THSD1: variants seen among roughly 807,000 people sequenced by gnomAD.
The protein encoded by THSD1 is thrombospondin type 1 domain containing 1.
THSD1 carries 34 observed loss-of-function variants against 46.3 expected under a neutral mutation model. The observed-to-expected ratio is 0.74, with a 90% confidence interval of 0.56 to 0.98. The LOEUF (loss-of-function observed/expected upper bound fraction) is 0.98, where lower values mean the gene tolerates loss of function less well. THSD1 is among the 50% of genes least tolerant of loss of function. The pLI, the probability that THSD1 is intolerant of heterozygous loss-of-function variation, is 0.00. For missense variants in THSD1, 1,023 were observed against 1,058.3 expected (o/e 0.97, Z 0.46); for synonymous variants, 407 against 416.5 (o/e 0.98, Z 0.28).
chr13:52,378,821 CA>C, intron 4 of THSD1, 32 bp from the exon 5 acceptor site: 2 of 1,524,856 alleles, frequency 1.3e-6, no homozygotes, highest in Non-Finnish European at 1.7e-6. Flanking sequence ...AACAAACAAA[CA>C]AAAAACACAG....
chr13:52,388,245 G>GA (rs1255969291), intron 3 of THSD1, among the ~76,000 whole-genome samples: 1 of 151,300 alleles, frequency 6.6e-6, no homozygotes, highest in Non-Finnish European at 1.5e-5. Context: ...GACTTTTTCA[G>GA]AAAAACAAAA....
At chr13:52,396,249 C>T (rs933883132) in intron 3 of THSD1, among the ~76,000 whole-genome samples, 7 of 152,202 alleles carry the variant, frequency 4.6e-5, no homozygotes, top group African/African-American at 7.2e-5. Context: ...GCAGGCTGGG[C>T]GCAGTGGCTC....
At position 52,378,182 on chromosome 13, in the gene THSD1, C is replaced by A. The variant is rs74888104; in HGVS notation, c.1788G>T (p.Ala596=). The stretch of plus-strand genomic sequence containing the variant: ...AGGGAGGCCTTTCCCCGGCACTGAC[C>A]GCGGGCTGCTCCGGAAATGGGGATT... ...RIKSPFPEQP[A]VSAGERPPSR... Residue 596 remains alanine, a synonymous_variant, in exon 5 of 5, where the codon GCG becomes GCT. Transcript: ENST00000258613. The A allele has an allele frequency of 1.2e-6, 2 of 1,614,178 alleles. No individual in the cohort carries two copies. The highest frequency in any genetic ancestry group is 1.7e-6 in the Non-Finnish European group (2 of 1,180,040).
intron 4 of THSD1, chr13:52,384,307 A>G (rs973165673): frequency 1.4e-4 from 64 of 444,596 alleles, no homozygotes; most frequent in Admixed American, 9.8e-5. Flanking sequence ...TGGCCTGTAT[A>G]TAAAGGCAAG....
At chr13:52,405,879 G>A (rs1164440230) in intron 1 of THSD1, among the ~76,000 whole-genome samples, 152 bp downstream of exon 1, 4 of 152,158 alleles carry the variant, frequency 2.6e-5, no homozygotes, top group African/African-American at 9.7e-5. Context: ...CCCTGGGGCC[G>A]AGGCGGGTGT....
chr13:52,402,573 T>A lies in THSD1; in HGVS notation c.28A>T (p.Asn10Tyr), dbSNP rs753326214. The change falls in exon 2 of 5, where the codon AAT becomes TAT. Residue 10 changes from asparagine (N) to tyrosine (Y), a missense_variant. Asn to Tyr is a moderately radical substitution (Grantham distance 143). Transcript: ENST00000258613. ...TCACAGAGTACCACCAACAATAGAT[T>A]TGAAAAGTCTTTCAACATTGGTTTC... MKPMLKDFS[N>Y]LLLVVLCDYV... is the part of the protein sequence containing the mutation. The A allele has an allele frequency of 2.5e-6, 4 of 1,614,054 alleles. No individual in the cohort carries two copies. The South Asian group carries it at 4.4e-5, about 18-fold the overall frequency.
intron 2 of THSD1, among the ~76,000 whole-genome samples, chr13:52,401,567 G>A (rs9536065): frequency 0.039 from 5,904 of 152,232 alleles, 140 homozygotes; most frequent in South Asian, 0.069. Context: ...CCAAAGTGCT[G>A]GGATTACAGG....
At chr13:52,402,756 C>T in intron 1 of THSD1, 75 bp from the exon 2 acceptor site, 1 of 1,413,736 alleles carries the variant, frequency 7.1e-7, no homozygotes, top group Non-Finnish European at 9.2e-7. Context: ...AATGACAAAA[C>T]CATTCTAAAA....
chr13:52,398,400 G>A, intron 2 of THSD1: 1 of 652,198 alleles, frequency 1.5e-6, no homozygotes, highest in South Asian at 6.8e-5. Flanking sequence ...CTCACGAATA[G>A]CTGGGACTAC....
chr13:52,400,096 TAAAA>T (rs57788028), intron 2 of THSD1: 5,866 of 137,508 alleles, frequency 0.043, 133 homozygotes, highest in South Asian at 0.077. Context: ...TTGACTGGCT[TAAAA>T]AAAAAAAAAA....
Position 52,378,423 on chromosome 13 carries a change from A to C in THSD1, c.1547T>G (p.Phe516Cys), listed in dbSNP as rs1422529480. 6.2e-7 allele frequency: 1 copy of C among 1,614,004 alleles called. No homozygotes were observed. Among genetic ancestry groups the C allele is most frequent in the Non-Finnish European group, 8.5e-7 (1 of 1,179,998 alleles). Reference protein sequence around the residue: ...PEDDASGSESFQSNAQKIIPP... With the variant: ...PEDDASGSESCQSNAQKIIPP... ...GATTATCTTCTGGGCGTTGGACTGG[A>C]AGCTCTCGCTGCCAGAGGCATCATC... Residue 516 changes from phenylalanine to cysteine, a missense_variant, in exon 5 of 5, where the codon TTC (phenylalanine) becomes TGC (cysteine). Physicochemically the swap from Phe to Cys is radical, Grantham distance 205. Around this residue, in one of 3 missense-constraint regions of THSD1, gnomAD observed 578 missense variants for 497.4 expected, o/e 1.16. Coordinates refer to ENST00000258613, the MANE Select transcript of THSD1 (RefSeq NM_018676.4).
chr13:52,387,453 A>G (rs1957741124), intron 3 of THSD1, among the ~76,000 whole-genome samples: 1 of 152,262 alleles, frequency 6.6e-6, no homozygotes, highest in African/African-American at 2.4e-5. Context: ...AAGCAAGGAA[A>G]AAAACCATAA....
At chr13:52,384,649 T>C (rs1202129366) in intron 4 of THSD1, among the ~76,000 whole-genome samples, 1 of 152,214 alleles carries the variant, frequency 6.6e-6, no homozygotes, top group South Asian at 2.1e-4. Flanking sequence ...TATAAAAGAT[T>C]AGTTGTCACC....
chr13:52,386,534 T>G (rs1046381575), intron 3 of THSD1, among the ~76,000 whole-genome samples: 1 of 151,888 alleles, frequency 6.6e-6, no homozygotes, highest in African/African-American at 2.4e-5. Flanking sequence ...GTAAGAAGAG[T>G]TCACTTAAAA....
At chr13:52,399,803 G>T (rs1435194219) in intron 2 of THSD1, among the ~76,000 whole-genome samples, 1 of 152,204 alleles carries the variant, frequency 6.6e-6, no homozygotes, top group Non-Finnish European at 1.5e-5. Context: ...GGTGCAGCTT[G>T]TGTACTGGAT....
Position 52,378,690 on chromosome 13 carries a change from A to C in THSD1, c.1280T>G (p.Ile427Ser), listed in dbSNP as rs1424651761. 1 of 1,614,116 alleles carries C rather than the reference A, an allele frequency of 6.2e-7. No individual in the cohort carries two copies. The highest frequency in any genetic ancestry group is 2.2e-5 in the East Asian group (1 of 44,882). The change falls in exon 5 of 5, where the codon ATC becomes AGC. Residue 427 changes from isoleucine (I) to serine (S), a missense_variant. Ile to Ser is a moderately radical substitution (Grantham distance 142). Around this residue, in one of 3 missense-constraint regions of THSD1, gnomAD observed 429 missense variants for 518.3 expected, o/e 0.83. Coordinates refer to ENST00000258613, the MANE Select transcript of THSD1 (RefSeq NM_018676.4). Reference sequence around the variant, plus strand: ...CAGCGTGATGAGCACAGTGGCAATGATGATGAACAAGCACAAGGATATACC... The same window carrying C: ...CAGCGTGATGAGCACAGTGGCAATGCTGATGAACAAGCACAAGGATATACC... ...VTGISLCLFI[I>S]IATVLITLWR...
intron 4 of THSD1, chr13:52,384,018 C>G (rs1212293293): frequency 3.4e-6 from 1 of 295,446 alleles, no homozygotes; most frequent in African/African-American, 2.2e-5. Context: ...GCCTGACCAA[C>G]ATAGAGAAAC....
intron 1 of THSD1, among the ~76,000 whole-genome samples, chr13:52,404,905 T>A (rs950901043): frequency 6.6e-6 from 1 of 152,210 alleles, no homozygotes; most frequent in Non-Finnish European, 1.5e-5. Flanking sequence ...TATTTAGAGC[T>A]GAATGGAAAA....
At chr13:52,385,961 C>G (rs1192875819) in intron 4 of THSD1, 67 bp downstream of exon 4, 1 of 1,487,972 alleles carries the variant, frequency 6.7e-7, no homozygotes. Flanking sequence ...TCAGGCAGGC[C>G]TGGGTTCAAT....
Sources: allele counts gnomAD v4.1 joint callset (sites outside exome capture counted in the v4.1 genomes callset), GRCh38; gene constraint gnomAD v4.1.1; regional missense constraint gnomAD v4.1.1; transcripts MANE v1.5; gene names NCBI Gene and HGNC (gene_info 2026-07-23, HGNC 2026-07-21).